LARP4B: variants seen among roughly 807,000 people sequenced by gnomAD.
The protein encoded by LARP4B is La ribonucleoprotein 4B.
A neutral mutation model predicts 89.8 loss-of-function variants in LARP4B; 12 were observed. That is an observed-to-expected ratio of 0.13 (90% CI 0.09 to 0.22). The LOEUF (loss-of-function observed/expected upper bound fraction) is 0.22, where lower values mean the gene tolerates loss of function less well. Among genes scored for constraint, LARP4B ranks in the 10% least tolerant of loss-of-function variants. LARP4B has a pLI of 1.00. For synonymous variants in LARP4B, 367 were observed against 363.3 expected (o/e 1.01, Z -0.12); for missense variants, 757 against 947.7 (o/e 0.80, Z 2.64).
At chr10:833,249 TAAAAAAAAAAAAAAAA>T (rs56788542) in intron 8 of LARP4B, among the ~76,000 whole-genome samples, 26 of 52,040 alleles carry the variant, frequency 5.0e-4, no homozygotes, top group East Asian at 4.9e-3. Flanking sequence ...TGATGAGCTT[TAAAAAAAAAAAAAAAA>T]AAAAAAAAAA....
At chr10:949,954 T>A in the LARP4B span, among the ~76,000 whole-genome samples, 1 of 152,214 alleles carries the variant, frequency 6.6e-6, no homozygotes, top group Non-Finnish European at 1.5e-5. Context: ...GTTTGTTTTT[T>A]CTGTATAGTT....
chr10:886,211 C>A (rs971724923), intron 1 of LARP4B, among the ~76,000 whole-genome samples: 1 of 152,060 alleles, frequency 6.6e-6, no homozygotes, highest in African/African-American at 2.4e-5. Context: ...AATAGAAATA[C>A]GAAAAGGTGC....
chr10:969,496 G>C, the LARP4B span, among the ~76,000 whole-genome samples: 1 of 152,164 alleles, frequency 6.6e-6, no homozygotes, highest in Admixed American at 6.6e-5. Context: ...TTGGGAGGCA[G>C]AGGTGGATAG....
the LARP4B span, among the ~76,000 whole-genome samples, chr10:958,726 A>C: frequency 1.7e-4 from 26 of 152,270 alleles, no homozygotes; most frequent in East Asian, 4.8e-3. Context: ...GACCTCATCC[A>C]AGTCTCACCA....
At position 829,514 on chromosome 10, in the gene LARP4B, A is replaced by G; in HGVS notation, c.996T>C (p.Tyr332=). The G allele has an allele frequency of 1.2e-6, 2 of 1,614,226 alleles. No homozygotes were observed. The highest frequency in any genetic ancestry group is 1.7e-6 in the Non-Finnish European group (2 of 1,180,038). ...NGFRPLDVSL[Y]AQQRYATSFY... The stretch of plus-strand genomic sequence containing the variant: ...ACGACGTCGCGTAGCGCTGCTGGGC[A>G]TACAGGCTCACGTCCAGGGGTCTAA... The change falls in exon 11 of 18, where the codon TAT becomes TAC. Residue 332 remains tyrosine, a synonymous_variant. Transcript: ENST00000316157.
chr10:874,568 A>G (rs1835383486), intron 3 of LARP4B, among the ~76,000 whole-genome samples: 1 of 152,176 alleles, frequency 6.6e-6, no homozygotes, highest in Admixed American at 6.5e-5. Context: ...CTTGTCTTAC[A>G]TTGACATCTG....
Position 814,956 on chromosome 10 carries a change from G to T in LARP4B, c.1810C>A (p.His604Asn). 1 of 1,597,056 alleles carries T rather than the reference G, an allele frequency of 6.3e-7. No individual in the cohort carries two copies. Among genetic ancestry groups the T allele is most frequent in the Non-Finnish European group, 8.6e-7 (1 of 1,169,544 alleles). ...ATYERSPSPAHLPDDPKVAEK... is the reference protein window; with the variant it reads ...ATYERSPSPANLPDDPKVAEK... ...AACACCAATACTCACTCGGGTAAAT[G>T]AGCTGGGGAGGGGGATCGCTCGTAC... Residue 604 changes from histidine (H) to asparagine (N), a missense_variant, in exon 16 of 18, where the codon CAT becomes AAT. His to Asn is a moderately conservative substitution (Grantham distance 68, BLOSUM62 1). Transcript: ENST00000316157. The surrounding 1 kb of genome is among the most constrained non-coding windows in gnomAD (Gnocchi z 4.4).
chr10:827,722 CT>C (rs1419284948), intron 11 of LARP4B, among the ~76,000 whole-genome samples: 1 of 152,178 alleles, frequency 6.6e-6, no homozygotes, highest in African/African-American at 2.4e-5. Context: ...GAAGAAGCAA[CT>C]GCTGCAGGAA....
At chr10:879,654 T>C (rs763101264) in intron 3 of LARP4B, among the ~76,000 whole-genome samples, 2 of 152,100 alleles carry the variant, frequency 1.3e-5, no homozygotes, top group Non-Finnish European at 2.9e-5. Context: ...CACACCACCA[T>C]GCCTGTTCTT....
chr10:910,018 CG>C (rs1201603888), intron 1 of LARP4B, among the ~76,000 whole-genome samples: 1 of 152,088 alleles, frequency 6.6e-6, no homozygotes, highest in Admixed American at 6.6e-5. Flanking sequence ...CCCAGAGAGC[CG>C]TGAGTGTGGG....
the LARP4B span, chr10:985,852 T>G: frequency 6.6e-6 from 1 of 152,252 alleles, no homozygotes; most frequent in African/African-American, 2.4e-5. Context: ...TTGGCAGTGC[T>G]GCCTGAGGTG....
chr10:941,705 C>T, the LARP4B span, among the ~76,000 whole-genome samples: 22 of 152,192 alleles, frequency 1.4e-4, no homozygotes, highest in Admixed American at 1.4e-3. Flanking sequence ...AAGAGCAATG[C>T]TTTTGTTGTG....
At chr10:951,012 TTCTC>T in the LARP4B span, among the ~76,000 whole-genome samples, 10 of 150,906 alleles carry the variant, frequency 6.6e-5, no homozygotes, top group African/African-American at 2.2e-4. Context: ...TCTCCCTTCC[TTCTC>T]TCTCTCTCTC....
intron 5 of LARP4B, among the ~76,000 whole-genome samples, chr10:863,302 C>A (rs1272208356): frequency 6.6e-6 from 1 of 151,856 alleles, no homozygotes; most frequent in African/African-American, 2.4e-5. Context: ...CGGCTCACTG[C>A]AAGCTCCGCC....
At chr10:977,000 T>A in the LARP4B span, among the ~76,000 whole-genome samples, 1 of 152,140 alleles carries the variant, frequency 6.6e-6, no homozygotes, top group South Asian at 2.1e-4. Context: ...AGGCCTGTCA[T>A]GTAATGTGTG....
chr10:897,787 A>T (rs1414968049), intron 1 of LARP4B, among the ~76,000 whole-genome samples: 1 of 152,038 alleles, frequency 6.6e-6, no homozygotes, highest in Non-Finnish European at 1.5e-5. Flanking sequence ...CAGGAGTTCG[A>T]GACCAGCCTG....
At chr10:875,695 C>T (rs928922837) in intron 3 of LARP4B, among the ~76,000 whole-genome samples, 2 of 152,220 alleles carry the variant, frequency 1.3e-5, no homozygotes, top group African/African-American at 2.4e-5. Context: ...AATGCAGTCA[C>T]TCCCACCACA....
In LARP4B at chr10:858,742, T is replaced by A. The variant is rs1447082307; in HGVS notation, c.430+5001A>T. 1.3e-5 allele frequency among the ~76,000 whole-genome samples: 2 copies of A among 152,122 alleles called. 1 individual carries two copies. Reference sequence around the variant, plus strand: ...GGCAAAGGATTTGAATAGACATTTATCCAAAGAAGACAAATGGCCAATAAG... The same window carrying A: ...GGCAAAGGATTTGAATAGACATTTAACCAAAGAAGACAAATGGCCAATAAG... On this transcript the variant is annotated intron_variant, in intron 5 of 17. Coordinates refer to ENST00000316157, the MANE Select transcript of LARP4B (RefSeq NM_015155.3).
intron 1 of LARP4B, among the ~76,000 whole-genome samples, chr10:894,177 T>A (rs1488485356): frequency 6.6e-6 from 1 of 152,220 alleles, no homozygotes; most frequent in Non-Finnish European, 1.5e-5. Flanking sequence ...TTCAGTATTA[T>A]CATTAAAACT....
Sources: allele counts gnomAD v4.1 joint callset (sites outside exome capture counted in the v4.1 genomes callset), GRCh38; gene constraint gnomAD v4.1.1; non-coding constraint Gnocchi (gnomAD v3.1); transcripts MANE v1.5; gene names NCBI Gene and HGNC (gene_info 2026-07-23, HGNC 2026-07-21).